The following ZC3H4 variants were observed in gnomAD, a reference collection of about 807,000 sequenced individuals.
ZC3H4 encodes the protein zinc finger CCCH domain-containing protein 4.
ZC3H4 carries 13 observed loss-of-function variants against 108.3 expected under a neutral mutation model. The observed-to-expected ratio is 0.12, with a 90% CI of 0.08 to 0.19. The LOEUF (loss-of-function observed/expected upper bound fraction) is 0.19, where lower values mean the gene tolerates loss of function less well. Among genes scored for constraint, ZC3H4 ranks in the 10% least tolerant of loss-of-function variants. The pLI is 1.00. For missense variants in ZC3H4, 1,734 were observed against 1,838.8 expected, an observed-to-expected ratio of 0.94 and a Z score of 1.04; for synonymous variants, 917 against 749.6, an observed-to-expected ratio of 1.22 and a Z score of -3.65.
At chr19:47,087,467 G>T (rs2122912885) in intron 5 of ZC3H4, among the ~76,000 whole-genome samples, 1 of 152,160 alleles carries the variant, frequency 6.6e-6, no homozygotes, top group South Asian at 2.1e-4. Flanking sequence ...AGGTGCAGTG[G>T]CTCAATCCTA....
intron 2 of ZC3H4, among the ~76,000 whole-genome samples, chr19:47,095,803 T>C (rs995902767): frequency 2.0e-5 from 3 of 152,116 alleles, no homozygotes; most frequent in Middle Eastern, 3.2e-3. Context: ...AAGTTCCCCA[T>C]GAATGACCAC....
intron 11 of ZC3H4, among the ~76,000 whole-genome samples, chr19:47,077,244 G>T (rs2057439626): frequency 6.6e-6 from 1 of 151,914 alleles, no homozygotes; most frequent in Admixed American, 6.6e-5. Flanking sequence ...GCCTGCGGGT[G>T]GATCACCTGA....
chr19:47,084,239 C>A, intron 9 of ZC3H4, 106 bp downstream of exon 9: 1 of 1,052,522 alleles, frequency 9.5e-7, no homozygotes, highest in Non-Finnish European at 1.4e-6. Context: ...AAGGACTACA[C>A]AGTCACTCCC....
At chr19:47,084,588 T>G (rs1045354143) in intron 8 of ZC3H4, 133 bp from the exon 9 acceptor site, 1 of 830,312 alleles carries the variant, frequency 1.2e-6, no homozygotes, top group Non-Finnish European at 2.0e-6. Context: ...ATGGGCAGGC[T>G]GCATCTAACA....
intron 13 of ZC3H4, among the ~76,000 whole-genome samples, chr19:47,070,570 G>A (rs2057308712): frequency 6.6e-6 from 1 of 152,160 alleles, no homozygotes; most frequent in South Asian, 2.1e-4. Flanking sequence ...TTGTTGAAGG[G>A]GGAGGAGCTG....
At chr19:47,079,938 C>A (rs1001295615) in intron 11 of ZC3H4, among the ~76,000 whole-genome samples, 1 of 152,124 alleles carries the variant, frequency 6.6e-6, no homozygotes, top group Non-Finnish European at 1.5e-5. Context: ...CCCGGAGGGA[C>A]TTGCCTTTTC....
At position 47,072,862 on chromosome 19, in the gene ZC3H4, C is replaced by A; in HGVS notation, c.1441-149G>T. 1.1e-6 allele frequency: 1 copy of A among 871,578 alleles called. No homozygotes were observed. Among genetic ancestry groups the A allele is most frequent in the East Asian group, 2.7e-5 (1 of 36,936 alleles). The allele number at this position is 871,578 out of a possible 1,614,324, so 54.0% of individuals were successfully genotyped here. On this transcript the variant is annotated intron_variant, in intron 11 of 14. Coordinates refer to ENST00000253048, the MANE Select transcript of ZC3H4 (RefSeq NM_015168.2). The surrounding 1 kb of genome is among the most constrained non-coding windows in gnomAD (Gnocchi z 5.6). Reference sequence around the variant, plus strand: ...CATAAAGACCACAATGGCTCTGTAACAAAAATCATCATCAGCCACCTCTCT... The same window carrying A: ...CATAAAGACCACAATGGCTCTGTAAAAAAAATCATCATCAGCCACCTCTCT...
chr19:47,085,128 T>C lies in ZC3H4; in HGVS notation c.1035A>G (p.Arg345=), dbSNP rs779390569. 2 of 1,614,182 alleles carry C rather than the reference T, an allele frequency of 1.2e-6. No homozygotes were observed. Among genetic ancestry groups the C allele is most frequent in the South Asian group, 1.1e-5 (1 of 91,086 alleles). The change falls in exon 8 of 15, where the codon CGA becomes CGG. Residue 345 remains arginine, a synonymous_variant. Coordinates refer to ENST00000253048, the MANE Select transcript of ZC3H4 (RefSeq NM_015168.2). ...TGTTCATCCCTCCTCGGCTGCCACCTCGGCCTCGGCCCCGACCCATTCCTT... is the reference window on the plus strand; with the variant it reads ...TGTTCATCCCTCCTCGGCTGCCACCCCGGCCTCGGCCCCGACCCATTCCTT... The part of the protein sequence containing the change: ...RGKGMGRGRG[R]GGSRGGMNKG...
intron 2 of ZC3H4, among the ~76,000 whole-genome samples, chr19:47,105,845 G>T (rs2057961792): frequency 6.6e-6 from 1 of 152,100 alleles, no homozygotes; most frequent in Admixed American, 6.5e-5. Context: ...AAAAGAAAAA[G>T]ATCAATAATT....
intron 11 of ZC3H4, among the ~76,000 whole-genome samples, chr19:47,079,590 T>C (rs1011757548): frequency 4.6e-5 from 7 of 152,198 alleles, no homozygotes; most frequent in African/African-American, 1.7e-4. Flanking sequence ...ACCCTAGGTA[T>C]GTACTGATTA....
At position 47,066,436 on chromosome 19, in the gene ZC3H4, G is replaced by T; in HGVS notation, c.3832C>A (p.Arg1278Ser). The change falls in exon 15 of 15, where the codon CGC (arginine) becomes AGC (serine). Residue 1278 changes from arginine to serine, a missense_variant. By Grantham distance (110) the Arg-to-Ser change is moderately radical (BLOSUM62 -1). Transcript: ENST00000253048. ...GSPFAGNSPA[R>S]EGEQDAASLK... ...GATGCCGCATCCTGCTCACCCTCGCGGGCCGGACTGTTCCCAGCAAATGGG... is the reference window on the plus strand; with the variant it reads ...GATGCCGCATCCTGCTCACCCTCGCTGGCCGGACTGTTCCCAGCAAATGGG... 6.4e-7 allele frequency: 1 copy of T among 1,573,494 alleles called. No individual in the cohort carries two copies. Among genetic ancestry groups the T allele is most frequent in the Admixed American group, 1.9e-5 (1 of 52,834 alleles).
intron 1 of ZC3H4, chr19:47,113,432 G>T (rs1320565067): frequency 1.3e-5 from 2 of 152,844 alleles, no homozygotes; most frequent in African/African-American, 4.8e-5. Context: ...CGGGACCGGG[G>T]AAGGAGGAGA....
intron 11 of ZC3H4, among the ~76,000 whole-genome samples, chr19:47,081,108 T>G (rs2057514176): frequency 6.6e-6 from 1 of 152,066 alleles, no homozygotes; most frequent in Admixed American, 6.6e-5. Context: ...GCTACATGCC[T>G]AGGCTGGTCT....
chr19:47,087,825 C>G (rs528609559), intron 5 of ZC3H4, among the ~76,000 whole-genome samples: 1 of 151,288 alleles, frequency 6.6e-6, no homozygotes, highest in East Asian at 2.0e-4. Context: ...AGTGAGCCAA[C>G]ATGGTGCCAC....
chr19:47,089,645 G>A (rs967870489), intron 5 of ZC3H4, among the ~76,000 whole-genome samples: 1 of 152,184 alleles, frequency 6.6e-6, no homozygotes, highest in Non-Finnish European at 1.5e-5. Flanking sequence ...GCACTGCTGT[G>A]GGGTGTGGCA....
chr19:47,094,256 G>A, intron 3 of ZC3H4, 133 bp downstream of exon 3: 2 of 1,166,780 alleles, frequency 1.7e-6, no homozygotes, highest in Non-Finnish European at 2.5e-6. Flanking sequence ...TTTTAAAAAA[G>A]GTCTTTATCC....
chr19:47,093,795 GTTGAAATTGTC>G (rs2057776237), intron 4 of ZC3H4, 164 bp downstream of exon 4: 1 of 513,988 alleles, frequency 1.9e-6, no homozygotes, highest in Admixed American at 3.4e-5. Flanking sequence ...GGGCTGCCTT[GTTGAAATTGTC>G]TAAGTTTCAG....
intron 2 of ZC3H4, chr19:47,096,906 C>A: frequency 1.0e-6 from 1 of 985,378 alleles, no homozygotes; most frequent in Non-Finnish European, 1.2e-6. Context: ...AGCACGCCCT[C>A]CCTTATGTCC....
At position 47,066,580 on chromosome 19, in the gene ZC3H4, C is replaced by T. The variant is rs770492026; in HGVS notation, c.3688G>A (p.Ala1230Thr). The T allele has an allele frequency of 2.0e-5, 32 of 1,589,834 alleles. No individual in the cohort carries two copies. Among genetic ancestry groups the T allele is most frequent in the Admixed American group, 1.9e-4 (11 of 58,620 alleles). The change falls in exon 15 of 15, where the codon GCT becomes ACT. Residue 1230 changes from alanine (A) to threonine (T), a missense_variant. Ala to Thr is a moderately conservative substitution (Grantham distance 58, BLOSUM62 0). Coordinates refer to ENST00000253048, the MANE Select transcript of ZC3H4 (RefSeq NM_015168.2). ...RPRPKAAAAP[A>T]ATTATPPPEG... ...GGGGGTGGGGTGGCGGTGGTGGCAGCGGGGGCTGCAGCAGCCTTGGGCCGG... is the reference window on the plus strand; with the variant it reads ...GGGGGTGGGGTGGCGGTGGTGGCAGTGGGGGCTGCAGCAGCCTTGGGCCGG...
Sources: allele counts gnomAD v4.1 joint callset (sites outside exome capture counted in the v4.1 genomes callset), GRCh38; gene constraint gnomAD v4.1.1; non-coding constraint Gnocchi (gnomAD v3.1); transcripts MANE v1.5; gene names NCBI Gene and HGNC (gene_info 2026-07-23, HGNC 2026-07-21).